DHCR24: variants seen among roughly 807,000 people sequenced by gnomAD.
The protein encoded by DHCR24 is 24-dehydrocholesterol reductase.
In DHCR24, 28 loss-of-function variants were observed where a neutral mutation model predicts 61.2. The ratio of observed to expected loss-of-function variants is 0.46; its 90% CI spans 0.34 to 0.63. The LOEUF is 0.63. Among genes scored for constraint, DHCR24 ranks in the 20% least tolerant of loss-of-function variants. The pLI, the probability that DHCR24 is intolerant of heterozygous loss-of-function variation, is 0.01. For synonymous variants in DHCR24, 261 were observed against 275.9 expected (o/e 0.95, Z 0.54); for missense variants, 538 against 679.1 (o/e 0.79, Z 2.31).
chr1:54,869,606 G>C (rs7418301), intron 5 of DHCR24, among the ~76,000 whole-genome samples: 10 of 132,414 alleles, frequency 7.6e-5, no homozygotes, highest in African/African-American at 2.5e-4. Flanking sequence ...CACACACACA[G>C]AGAAATAGGT....
intron 5 of DHCR24, among the ~76,000 whole-genome samples, chr1:54,871,127 C>T (rs1646996068): frequency 6.6e-6 from 1 of 152,210 alleles, no homozygotes; most frequent in Non-Finnish European, 1.5e-5. Context: ...CACTAAGAGA[C>T]AAGCACATCC....
At chr1:54,881,398 A>G (rs1373414931) in intron 2 of DHCR24, among the ~76,000 whole-genome samples, 1 of 152,240 alleles carries the variant, frequency 6.6e-6, no homozygotes, top group Non-Finnish European at 1.5e-5. Flanking sequence ...AAAGCTCAAC[A>G]TTACTGATAA....
At position 54,853,522 on chromosome 1, in the gene DHCR24, T is replaced by A; in HGVS notation, c.1309A>T (p.Ile437Phe). ...KGNEAELYID[I>F]GAYGEPRVKH... ...ACACGCGGCTCCCCATATGCTCCAATGTCGATGTAGAGCTCTGCCTCATTT... is the reference window on the plus strand; with the variant it reads ...ACACGCGGCTCCCCATATGCTCCAAAGTCGATGTAGAGCTCTGCCTCATTT... Residue 437 changes from isoleucine (I) to phenylalanine (F), a missense_variant, in exon 8 of 9, where the codon ATT becomes TTT. Physicochemically the swap from Ile to Phe is conservative, Grantham distance 21. Coordinates refer to ENST00000371269, the MANE Select transcript of DHCR24 (RefSeq NM_014762.4). 6.2e-7 allele frequency: 1 copy of A among 1,614,162 alleles called. No homozygotes were observed. Among genetic ancestry groups the A allele is most frequent in the East Asian group, 2.2e-5 (1 of 44,878 alleles).
At chr1:54,852,417 C>G in intron 8 of DHCR24, 31 bp from the exon 9 acceptor site, 4 of 1,613,006 alleles carry the variant, frequency 2.5e-6, no homozygotes, top group Non-Finnish European at 3.4e-6. Flanking sequence ...GTGAGGACGC[C>G]AGGAGGCACA....
chr1:54,852,442 T>C (rs1570177797), intron 8 of DHCR24, 56 bp from the exon 9 acceptor site: 2 of 1,601,526 alleles, frequency 1.2e-6, no homozygotes, highest in East Asian at 4.5e-5. Flanking sequence ...ACGCGAGGCG[T>C]GAGAGAAACC....
chr1:54,873,632 A>C (rs2101571629), intron 4 of DHCR24, among the ~76,000 whole-genome samples: 1 of 152,280 alleles, frequency 6.6e-6, no homozygotes. Flanking sequence ...TGTAGGCCTA[A>C]ACTAACATGC....
chr1:54,865,546 T>C, intron 5 of DHCR24, 100 bp from the exon 6 acceptor site: 1 of 1,507,400 alleles, frequency 6.6e-7, no homozygotes, highest in South Asian at 1.1e-5. Flanking sequence ...CTCCTGGCCT[T>C]TTCAAAGCTC....
Position 54,850,886 on chromosome 1 carries a change from G to A in DHCR24, c.*1347C>T, listed in dbSNP as rs1646871801. ...GCACAGCTCGCTGACAGTAGAGAGG[G>A]GCTGAAACCTAGGTCTCCTGACTCA... On this transcript the variant is annotated 3_prime_UTR_variant, in exon 9 of 9. Coordinates refer to ENST00000371269, the MANE Select transcript of DHCR24 (RefSeq NM_014762.4). The A allele has an allele frequency of 6.6e-6, 1 of 152,178 alleles. No individual in the cohort carries two copies. Among genetic ancestry groups the A allele is most frequent in the South Asian group, 2.1e-4 (1 of 4,830 alleles). The allele number at this position is 152,178 out of a possible 1,614,324, so 9.4% of individuals were successfully genotyped here. A position where few individuals can be genotyped will look rare whatever the true frequency, so the allele number is the denominator to read the frequency against.
In DHCR24 at chr1:54,851,059, C is replaced by G. The variant is rs1308499651; in HGVS notation, c.*1174G>C. The stretch of plus-strand genomic sequence containing the variant: ...AACCAAGCTTTGCGTTATAACAAGC[C>G]AGGGAAGGACCTAGGGAGGTTCCCT... On this transcript the variant is annotated 3_prime_UTR_variant, in exon 9 of 9. Coordinates refer to ENST00000371269, the MANE Select transcript of DHCR24 (RefSeq NM_014762.4). 6.6e-6 allele frequency: 1 copy of G among 152,588 alleles called. No individual in the cohort carries two copies. Among genetic ancestry groups the G allele is most frequent in the Non-Finnish European group, 1.5e-5 (1 of 68,030 alleles). 9.5% of individuals were successfully genotyped at this position (152,588 alleles called of 1,614,324 possible). A position where few individuals can be genotyped will look rare whatever the true frequency, so the allele number is the denominator to read the frequency against.
intron 1 of DHCR24, 102 bp downstream of exon 1, chr1:54,886,787 T>A: frequency 7.4e-6 from 9 of 1,221,776 alleles, no homozygotes; most frequent in East Asian, 4.4e-5. Flanking sequence ...CAGGAAGTCC[T>A]GGCCGCCCCC....
rs560684496 is a variant in DHCR24 at position 54,887,087 on chromosome 1, C to T, written c.33G>A (p.Ala11=). Residue 11 remains alanine (A), a synonymous_variant, in exon 1 of 9, where the codon GCG becomes GCA. Transcript: ENST00000371269. Reference sequence around the variant, plus strand: ...GGCGCACCCACAGCAGGAAGAGCAGCGCGCACACGGCCAGCGACACGGCGG... The same window carrying T: ...GGCGCACCCACAGCAGGAAGAGCAGTGCGCACACGGCCAGCGACACGGCGG... The part of the protein sequence containing the change: MEPAVSLAVC[A]LLFLLWVRLK... The T allele has an allele frequency of 1.9e-5, 30 of 1,603,992 alleles. No individual in the cohort carries two copies. The South Asian group carries it at 2.9e-4, about 15-fold the overall frequency.
At chr1:54,873,367 TTGATAA>T (rs1278141759) in intron 4 of DHCR24, among the ~76,000 whole-genome samples, 1 of 152,244 alleles carries the variant, frequency 6.6e-6, no homozygotes, top group Non-Finnish European at 1.5e-5. Flanking sequence ...TACATAATAC[TTGATAA>T]TGATAAATGA....
chr1:54,874,392 T>C (rs1257652181), intron 4 of DHCR24, among the ~76,000 whole-genome samples: 1 of 152,232 alleles, frequency 6.6e-6, no homozygotes, highest in Non-Finnish European at 1.5e-5. Context: ...TTTCCAAGTA[T>C]AGGTATGTTT....
chr1:54,858,972 G>T (rs1415127936), intron 6 of DHCR24, among the ~76,000 whole-genome samples: 2 of 152,136 alleles, frequency 1.3e-5, no homozygotes, highest in Non-Finnish European at 1.5e-5. Context: ...TAGATTCTTT[G>T]CTAGTCCTTT....
intron 1 of DHCR24, chr1:54,886,485 G>A (rs1265442651): frequency 1.3e-6 from 1 of 786,458 alleles, no homozygotes; most frequent in Non-Finnish European, 1.9e-6. Flanking sequence ...CGGCTTCCCA[G>A]CATTTGCTCA....
rs1292988104 is a variant in DHCR24 at position 54,883,311 on chromosome 1, T to C, written c.387+307A>G. ...TCAGTCACTTCTGTAGCCCATTTTT[T>C]ACCAGCACACTTCCTTATCAGGAAG... On this transcript the variant is annotated intron_variant, in intron 2 of 8. Transcript: ENST00000371269. This position sits in a 1 kb window ranked among gnomAD's most constrained non-coding sequence, Gnocchi z 4.3. Among the ~76,000 whole-genome samples the C allele has an allele frequency of 6.6e-6, 1 of 152,244 alleles. No individual in the cohort carries two copies. Among genetic ancestry groups the C allele is most frequent in the Non-Finnish European group, 1.5e-5 (1 of 68,042 alleles).
rs1420535901 is a variant in DHCR24, at chr1:54,852,174, G to C, written c.*59C>G. 3.1e-6 allele frequency: 5 copies of C among 1,604,662 alleles called. No homozygotes were observed. Among genetic ancestry groups the C allele is most frequent in the Non-Finnish European group, 4.3e-6 (5 of 1,173,762 alleles). ...TGGATCTAGGAAAGCAGCCAAGCTTGAGTGAAGGGAAGATGCCTGACCACT... is the reference window on the plus strand; with the variant it reads ...TGGATCTAGGAAAGCAGCCAAGCTTCAGTGAAGGGAAGATGCCTGACCACT... On this transcript the variant is annotated 3_prime_UTR_variant, in exon 9 of 9. Transcript: ENST00000371269.
intron 6 of DHCR24, among the ~76,000 whole-genome samples, chr1:54,862,380 C>T (rs1158331932): frequency 4.6e-5 from 7 of 152,170 alleles, no homozygotes; most frequent in Admixed American, 4.6e-4. Flanking sequence ...GATGACATTC[C>T]TATGGCCAAA....
rs144667770 is a variant in DHCR24, at chr1:54,876,027, C to T, written c.408G>A (p.Leu136=). Residue 136 remains leucine (L), a synonymous_variant, in exon 3 of 9, where the codon TTG becomes TTA. Coordinates refer to ENST00000371269, the MANE Select transcript of DHCR24 (RefSeq NM_014762.4). ...GGGCAGTCACCTGGCCCATGGTCACCAAGGGCTCCACACGGACAATCTGTT... is the reference window on the plus strand; with the variant it reads ...GGGCAGTCACCTGGCCCATGGTCACTAAGGGCTCCACACGGACAATCTGTT... ...TKKQIVRVEP[L]VTMGQVTALL... 1 of 1,613,990 alleles carries T rather than the reference C, an allele frequency of 6.2e-7. No individual in the cohort carries two copies. The highest frequency in any genetic ancestry group is 8.5e-7 in the Non-Finnish European group (1 of 1,179,920).
Sources: gnomAD v4.1 joint callset for allele counts (sites outside exome capture counted in the v4.1 genomes callset) on GRCh38, gnomAD v4.1.1 for gene constraint, Gnocchi (gnomAD v3.1) non-coding constraint, MANE v1.5 for transcripts, NCBI Gene and HGNC (gene_info 2026-07-23, HGNC 2026-07-21) for gene names.